THSD7B: variants seen among roughly 807,000 people sequenced by gnomAD.
THSD7B encodes the protein thrombospondin type 1 domain containing 7B, also known as thrombospondin type-1 domain-containing protein 7B.
In THSD7B, 138 loss-of-function variants were observed where a neutral mutation model predicts 213.6. That is an observed-to-expected ratio of 0.65 (90% confidence interval 0.56 to 0.74). The LOEUF is 0.74. THSD7B is among the 30% of genes least tolerant of loss of function. THSD7B has a pLI of 0.00. For missense variants in THSD7B, 1,931 were observed against 1,991.5 expected (o/e 0.97, Z 0.58); for synonymous variants, 742 against 687.0 (o/e 1.08, Z -1.25).
At chr2:137,605,505 G>C (rs879938949) in intron 17 of THSD7B, among the ~76,000 whole-genome samples, 3 of 152,014 alleles carry the variant, frequency 2.0e-5, no homozygotes, top group Admixed American at 6.5e-5. Context: ...GTAGACATCA[G>C]TGGTATGATG....
In THSD7B at chr2:137,023,410, G is replaced by A. The variant is rs538053200; in HGVS notation, c.140-33010G>A. Among the ~76,000 whole-genome samples the A allele has an allele frequency of 3.3e-5, 5 of 152,156 alleles. No homozygotes were observed. The South Asian group carries it at 6.2e-4, about 19-fold the overall frequency. On this transcript the variant is annotated intron_variant, in intron 2 of 27. Transcript: ENST00000409968. ...CAGTCTTCTGTCAGTGCCCTGTAGC[G>A]GATAACCTGTATTAGGAAGGGACTC... is the stretch of plus-strand genomic sequence containing the variant.
chr2:137,493,510 G>A (rs1445791341), intron 15 of THSD7B, among the ~76,000 whole-genome samples: 2 of 152,198 alleles, frequency 1.3e-5, no homozygotes, highest in South Asian at 2.1e-4. Context: ...ACACTCGTAC[G>A]GTGACACAAG....
intron 5 of THSD7B, among the ~76,000 whole-genome samples, chr2:137,139,135 A>G (rs1679529751): frequency 6.6e-6 from 1 of 152,162 alleles, no homozygotes; most frequent in Non-Finnish European, 1.5e-5. Context: ...ATGGAAATAA[A>G]TAAAGCTTGA....
At chr2:137,388,933 G>T (rs924646046) in intron 12 of THSD7B, among the ~76,000 whole-genome samples, 1 of 151,884 alleles carries the variant, frequency 6.6e-6, no homozygotes, top group African/African-American at 2.4e-5. Context: ...TACTTATGTT[G>T]ATTCCATATC....
At chr2:137,398,747 G>A (rs1574006138) in intron 12 of THSD7B, among the ~76,000 whole-genome samples, 1 of 152,272 alleles carries the variant, frequency 6.6e-6, no homozygotes, top group Non-Finnish European at 1.5e-5. Flanking sequence ...GCAATGGTGG[G>A]CGCCCCTCCC....
intron 2 of THSD7B, among the ~76,000 whole-genome samples, chr2:136,884,760 A>G (rs913113343): frequency 7.2e-5 from 11 of 152,300 alleles, no homozygotes; most frequent in Non-Finnish European, 1.2e-4. Context: ...TAATGACTGC[A>G]TAGTATTCTT....
intron 3 of THSD7B, among the ~76,000 whole-genome samples, chr2:137,077,817 C>T (rs1397251074): frequency 6.6e-6 from 1 of 151,376 alleles, no homozygotes; most frequent in African/African-American, 2.4e-5. Flanking sequence ...TGTGCAGAAG[C>T]TCTTCTGTTT....
intron 2 of THSD7B, among the ~76,000 whole-genome samples, chr2:136,929,603 A>G (rs946481460): frequency 6.6e-6 from 1 of 152,202 alleles, no homozygotes; most frequent in Non-Finnish European, 1.5e-5. Context: ...TGTCAGCTCA[A>G]TTAAGGCAGG....
intron 12 of THSD7B, among the ~76,000 whole-genome samples, chr2:137,288,034 G>A (rs1683225746): frequency 6.6e-6 from 1 of 152,080 alleles, no homozygotes; most frequent in South Asian, 2.1e-4. Context: ...TAAGGTCAGG[G>A]TATTCACGTC....
chr2:137,128,902 G>A (rs1688674807), intron 5 of THSD7B, among the ~76,000 whole-genome samples: 2 of 152,180 alleles, frequency 1.3e-5, no homozygotes, highest in South Asian at 4.1e-4. Flanking sequence ...CCAATGAAAA[G>A]AACTTTAAGT....
At chr2:137,209,379 T>C (rs1681051705) in intron 7 of THSD7B, among the ~76,000 whole-genome samples, 1 of 152,072 alleles carries the variant, frequency 6.6e-6, no homozygotes, top group African/African-American at 2.4e-5. Context: ...ATGGGTGGAT[T>C]AAAAAGACAA....
intron 1 of THSD7B, among the ~76,000 whole-genome samples, chr2:136,837,530 A>G (rs1207401382): frequency 6.6e-6 from 1 of 152,052 alleles, no homozygotes; most frequent in Non-Finnish European, 1.5e-5. Context: ...TAAAATAGCA[A>G]CTCTGCCACT....
chr2:137,025,319 T>C (rs1472993109), intron 2 of THSD7B, among the ~76,000 whole-genome samples: 1 of 152,198 alleles, frequency 6.6e-6, no homozygotes, highest in Non-Finnish European at 1.5e-5. Flanking sequence ...CCAGACGTTT[T>C]TCTCAACTGA....
chr2:136,875,049 GGAAT>G (rs1683504772), intron 1 of THSD7B, among the ~76,000 whole-genome samples: 1 of 152,082 alleles, frequency 6.6e-6, no homozygotes, highest in Non-Finnish European at 1.5e-5. Flanking sequence ...TACTTTCCAA[GGAAT>G]AATTTAATGG....
At chr2:137,433,707 A>G (rs1389477097) in intron 14 of THSD7B, among the ~76,000 whole-genome samples, 1 of 151,954 alleles carries the variant, frequency 6.6e-6, no homozygotes, top group Non-Finnish European at 1.5e-5. Context: ...CATGTTTTAT[A>G]AATCACTTCA....
intron 13 of THSD7B, among the ~76,000 whole-genome samples, chr2:137,409,964 A>T (rs1253386457): frequency 6.6e-6 from 1 of 152,190 alleles, no homozygotes; most frequent in Non-Finnish European, 1.5e-5. Context: ...AGAAATAAGT[A>T]GACAGAATCC....
At chr2:137,611,228 C>T (rs1165082230) in intron 17 of THSD7B, among the ~76,000 whole-genome samples, 1 of 151,786 alleles carries the variant, frequency 6.6e-6, no homozygotes, top group African/African-American at 2.4e-5. Flanking sequence ...ACAAAAAACA[C>T]ACAAATCATT....
chr2:137,546,395 T>TATTATA (rs1480170788), intron 15 of THSD7B, among the ~76,000 whole-genome samples: 2 of 33,282 alleles, frequency 6.0e-5, no homozygotes, highest in African/African-American at 3.9e-4. Flanking sequence ...ATTATATATA[T>TATTATA]TATATATATT....
intron 12 of THSD7B, among the ~76,000 whole-genome samples, chr2:137,324,569 G>T (rs943439242): frequency 6.6e-6 from 1 of 151,988 alleles, no homozygotes; most frequent in Non-Finnish European, 1.5e-5. Context: ...TAGTTAAAGG[G>T]GTATAAATTA....
Sources: gnomAD v4.1 joint callset for allele counts (sites outside exome capture counted in the v4.1 genomes callset) on GRCh38, gnomAD v4.1.1 for gene constraint, MANE v1.5 for transcripts, NCBI Gene and HGNC (gene_info 2026-07-23, HGNC 2026-07-21) for gene names.